Variants in SH3GL3 observed in about 807,000 individuals in gnomAD.
SH3GL3 encodes endophilin-A3.
In SH3GL3, 33 loss-of-function variants were observed where a neutral mutation model predicts 47.7. The ratio of observed to expected loss-of-function variants is 0.69; its 90% CI spans 0.52 to 0.92. The LOEUF is 0.92. Ranked by LOEUF, SH3GL3 falls within the 40% of genes least tolerant of loss-of-function variation. SH3GL3 has a pLI of 0.00. For missense variants in SH3GL3, 363 were observed against 417.8 expected (o/e 0.87, Z 1.14); for synonymous variants, 155 against 148.8 (o/e 1.04, Z -0.30).
At chr15:83,490,939 G>T in intron 1 of SH3GL3, 4 of 1,613,460 alleles carry the variant, frequency 2.5e-6, no homozygotes, top group Non-Finnish European at 3.4e-6. Context: ...GAGTGGTTGG[G>T]GAAGAACAGT....
At chr15:83,463,244 A>T (rs543002604) in intron 1 of SH3GL3, among the ~76,000 whole-genome samples, 40 of 152,224 alleles carry the variant, frequency 2.6e-4, no homozygotes, top group Non-Finnish European at 4.4e-5. Context: ...ATCATTAGAC[A>T]TTCTTTAGAA....
chr15:83,626,311 C>A, the SH3GL3 span, among the ~76,000 whole-genome samples: 1 of 152,186 alleles, frequency 6.6e-6, no homozygotes, highest in Non-Finnish European at 1.5e-5. Context: ...AAGAGCATCA[C>A]ATGCCAGCCA....
chr15:83,460,651 T>C (rs1383000939), intron 1 of SH3GL3, among the ~76,000 whole-genome samples: 1 of 152,228 alleles, frequency 6.6e-6, no homozygotes, highest in Non-Finnish European at 1.5e-5. Context: ...GCATCATCTT[T>C]AATAAGTGAT....
chr15:83,594,179 G>C (rs2060181886), intron 8 of SH3GL3, among the ~76,000 whole-genome samples: 1 of 152,196 alleles, frequency 6.6e-6, no homozygotes, highest in South Asian at 2.1e-4. Context: ...AGTTTGAAGA[G>C]AGTTTTAATG....
intron 1 of SH3GL3, among the ~76,000 whole-genome samples, chr15:83,531,352 C>A (rs1264130095): frequency 6.6e-6 from 1 of 152,162 alleles, no homozygotes; most frequent in African/African-American, 2.4e-5. Context: ...CCAACTAGGT[C>A]TGAGGAGTCC....
At chr15:83,460,027 T>TC (rs1428514477) in intron 1 of SH3GL3, among the ~76,000 whole-genome samples, 1 of 18,926 alleles carries the variant, frequency 5.3e-5, no homozygotes, top group Non-Finnish European at 7.8e-5. Flanking sequence ...TCCCCTCCCC[T>TC]CCCTCCCTCC....
downstream of SH3GL3, among the ~76,000 whole-genome samples, chr15:83,620,425 GA>G (rs2060911578): frequency 6.6e-6 from 1 of 152,174 alleles, no homozygotes; most frequent in East Asian, 1.9e-4. Context: ...CTTGAAAATA[GA>G]AATTACTTCT....
At chr15:83,469,159 A>C (rs2040717356) in intron 1 of SH3GL3, among the ~76,000 whole-genome samples, 1 of 152,148 alleles carries the variant, frequency 6.6e-6, no homozygotes, top group South Asian at 2.1e-4. Context: ...TGTTGTCTGC[A>C]GGGCTATAGT....
intron 3 of SH3GL3, among the ~76,000 whole-genome samples, chr15:83,567,985 C>CTT (rs1405083019): frequency 4.4e-5 from 6 of 136,156 alleles, no homozygotes; most frequent in Non-Finnish European, 4.8e-5. Context: ...TTCTTTCTTT[C>CTT]TTTTTTTTTT....
At chr15:83,587,171 A>C in intron 7 of SH3GL3, 85 bp downstream of exon 7, 1 of 688,602 alleles carries the variant, frequency 1.5e-6, no homozygotes, top group Non-Finnish European at 2.5e-6. Flanking sequence ...CCATCTCTCC[A>C]TCTCCCCCTT....
At chr15:83,629,867 C>A in the SH3GL3 span, among the ~76,000 whole-genome samples, 4 of 152,090 alleles carry the variant, frequency 2.6e-5, no homozygotes, top group Admixed American at 6.5e-5. Flanking sequence ...GACATACAGG[C>A]TAAAACCTTA....
intron 1 of SH3GL3, among the ~76,000 whole-genome samples, chr15:83,450,728 G>A (rs778286751): frequency 1.1e-5 from 1 of 94,458 alleles, no homozygotes; most frequent in Non-Finnish European, 2.2e-5. Flanking sequence ...TTTCTAATAT[G>A]CATTATCCTT....
At chr15:83,467,681 C>T (rs2040628924) in intron 1 of SH3GL3, among the ~76,000 whole-genome samples, 1 of 152,112 alleles carries the variant, frequency 6.6e-6, no homozygotes, top group Admixed American at 6.5e-5. Context: ...TATGGTGTAT[C>T]TCTGTGTGTA....
intron 8 of SH3GL3, among the ~76,000 whole-genome samples, chr15:83,597,859 C>G (rs974604950): frequency 1.3e-5 from 2 of 152,196 alleles, no homozygotes; most frequent in African/African-American, 4.8e-5. Flanking sequence ...CTGCCCAACT[C>G]GGCCTCCCGA....
chr15:83,601,337 C>T (rs547440815), intron 8 of SH3GL3, among the ~76,000 whole-genome samples: 16 of 152,212 alleles, frequency 1.1e-4, no homozygotes, highest in Admixed American at 1.0e-3. Flanking sequence ...GTGGGTTTTT[C>T]ATAGATGGTT....
chr15:83,541,380 C>G (rs2044160102), intron 1 of SH3GL3, among the ~76,000 whole-genome samples: 1 of 114,322 alleles, frequency 8.7e-6, no homozygotes, highest in Non-Finnish European at 1.6e-5. Flanking sequence ...GTCGCCCAGG[C>G]TGGAGTGCAG....
chr15:83,481,243 C>T (rs539371944), intron 1 of SH3GL3, among the ~76,000 whole-genome samples: 4 of 148,804 alleles, frequency 2.7e-5, no homozygotes, highest in Non-Finnish European at 5.9e-5. Context: ...CCACTGCACT[C>T]CAGCCTGGGG....
the SH3GL3 span, among the ~76,000 whole-genome samples, chr15:83,626,257 T>C: frequency 6.6e-6 from 1 of 152,338 alleles, no homozygotes; most frequent in East Asian, 1.9e-4. Flanking sequence ...CCACTAACTC[T>C]ATCCCAGAGC....
rs549734427 is a variant in SH3GL3, at chr15:83,495,669, G to A, written c.45+48091G>A. 9.2e-5 allele frequency among the ~76,000 whole-genome samples: 14 copies of A among 152,188 alleles called. No individual in the cohort carries two copies. The South Asian group carries it at 2.5e-3, about 27-fold the overall frequency. ...GGAGAATTGCTTGAACCCAGGAGGC[G>A]GAGGTTGCAGTGAGCCAAGATTGCA... On this transcript the variant is annotated intron_variant, in intron 1 of 8. Coordinates refer to ENST00000427482, the MANE Select transcript of SH3GL3 (RefSeq NM_003027.5).
Sources: allele counts gnomAD v4.1 joint callset (sites outside exome capture counted in the v4.1 genomes callset), GRCh38; gene constraint gnomAD v4.1.1; transcripts MANE v1.5; gene names NCBI Gene and HGNC (gene_info 2026-07-23, HGNC 2026-07-21).